The following SND1 variants were observed in gnomAD, a reference collection of about 807,000 sequenced individuals.
SND1 encodes the protein staphylococcal nuclease domain-containing protein 1.
A neutral mutation model predicts 121.7 loss-of-function variants in SND1; 38 were observed. The ratio of observed to expected loss-of-function variants is 0.31; its 90% CI spans 0.24 to 0.41. The LOEUF is 0.41. SND1 is among the 10% of genes least tolerant of loss of function. SND1 has a pLI of 1.00. For synonymous variants in SND1, 401 were observed against 447.4 expected, an observed-to-expected ratio of 0.90 and a Z score of 1.31; for missense variants, 868 against 1,184.6, an observed-to-expected ratio of 0.73 and a Z score of 3.92.
At chr7:127,936,949 G>A (rs2116832082) in intron 15 of SND1, among the ~76,000 whole-genome samples, 1 of 152,300 alleles carries the variant, frequency 6.6e-6, no homozygotes, top group Non-Finnish European at 1.5e-5. Flanking sequence ...TTAGATCTTA[G>A]GTATCAGGGT....
intron 14 of SND1, among the ~76,000 whole-genome samples, chr7:127,906,288 G>T (rs898963755): frequency 2.6e-5 from 4 of 152,148 alleles, no homozygotes; most frequent in Non-Finnish European, 4.4e-5. Flanking sequence ...GGTAACTATG[G>T]TGTATCTGCT....
At chr7:127,971,771 ATT>A (rs200086577) in intron 15 of SND1, among the ~76,000 whole-genome samples, 47 of 140,982 alleles carry the variant, frequency 3.3e-4, no homozygotes, top group Admixed American at 5.7e-4. Flanking sequence ...TGCTGAATTA[ATT>A]TTTTTTTTTT....
At chr7:128,022,757 A>T (rs1803386847) in intron 16 of SND1, among the ~76,000 whole-genome samples, 1 of 131,622 alleles carries the variant, frequency 7.6e-6, no homozygotes, top group South Asian at 2.6e-4. Flanking sequence ...TTTAGAGCAG[A>T]TCCCTGAGTG....
intron 10 of SND1, among the ~76,000 whole-genome samples, chr7:127,768,418 A>C (rs913141283): frequency 6.6e-6 from 1 of 152,194 alleles, no homozygotes; most frequent in East Asian, 1.9e-4. Flanking sequence ...TTGTTATGTA[A>C]GTTCATAATT....
At chr7:128,009,291 C>T (rs1222079889) in intron 16 of SND1, among the ~76,000 whole-genome samples, 1 of 152,194 alleles carries the variant, frequency 6.6e-6, no homozygotes, top group Non-Finnish European at 1.5e-5. Context: ...GGTGCACTGG[C>T]GGATTCATAC....
chr7:127,702,538 C>G lies in SND1; in HGVS notation c.681+12C>G. 6.2e-7 allele frequency: 1 copy of G among 1,610,076 alleles called. No individual in the cohort carries two copies. The highest frequency in any genetic ancestry group is 1.1e-5 in the South Asian group (1 of 91,022). On this transcript the variant is annotated intron_variant, in intron 6 of 23. Transcript: ENST00000354725. ...TGTCAGGCATCAAGGTCAGACCATA[C>G]TCTTGGCTACGTGGTGGGTTTAGAG...
intron 12 of SND1, among the ~76,000 whole-genome samples, chr7:127,859,718 G>C (rs778691771): frequency 3.9e-5 from 6 of 152,094 alleles, no homozygotes; most frequent in Non-Finnish European, 8.8e-5. Context: ...CTGATGCTTG[G>C]TGTTTTATCA....
chr7:127,738,682 C>A (rs1336896519), intron 10 of SND1, among the ~76,000 whole-genome samples: 1 of 152,090 alleles, frequency 6.6e-6, no homozygotes, highest in African/African-American at 2.4e-5. Flanking sequence ...TGCTTTTTCC[C>A]TGAGGTCTTT....
At chr7:128,063,971 C>T (rs1793272377) in intron 16 of SND1, among the ~76,000 whole-genome samples, 1 of 152,176 alleles carries the variant, frequency 6.6e-6, no homozygotes, top group South Asian at 2.1e-4. Flanking sequence ...CTGTGCTGTA[C>T]TGAGGAATTC....
chr7:127,881,296 T>C (rs977655751), intron 12 of SND1, among the ~76,000 whole-genome samples: 1 of 152,172 alleles, frequency 6.6e-6, no homozygotes, highest in Admixed American at 6.6e-5. Flanking sequence ...ATAATCATTC[T>C]ATGATTCCCT....
Position 127,754,079 on chromosome 7 carries a change from G to A in SND1, c.1152+32679G>A, listed in dbSNP as rs939385733. Among the ~76,000 whole-genome samples, 9 of 152,282 alleles carry A rather than the reference G, an allele frequency of 5.9e-5. No individual in the cohort carries two copies. In the East Asian group the frequency reaches 1.2e-3, roughly 20 times the overall value. ...TAGCATCCTGATAGCAAAATAGGAA[G>A]CAGAGAAAGATAGAACAGATATTAG... On this transcript the variant is annotated intron_variant, in intron 10 of 23. Transcript: ENST00000354725.
At chr7:127,690,793 T>C (rs1279268524) in intron 2 of SND1, among the ~76,000 whole-genome samples, 2 of 152,346 alleles carry the variant, frequency 1.3e-5, no homozygotes, top group African/African-American at 2.4e-5. Flanking sequence ...CTTTGGAGCA[T>C]GTTTAGCTTT....
chr7:127,755,075 A>T (rs571836787), intron 10 of SND1, among the ~76,000 whole-genome samples: 2 of 152,332 alleles, frequency 1.3e-5, no homozygotes, highest in South Asian at 4.1e-4. Context: ...CATTTGGCAT[A>T]TGATCTTCCA....
intron 9 of SND1, among the ~76,000 whole-genome samples, chr7:127,714,574 AC>A (rs760751036): frequency 4.6e-5 from 7 of 152,200 alleles, no homozygotes; most frequent in Non-Finnish European, 8.8e-5. Flanking sequence ...TGTAGCTATC[AC>A]CACCACATAT....
chr7:127,665,342 A>G (rs1795396196), intron 1 of SND1, among the ~76,000 whole-genome samples: 1 of 151,730 alleles, frequency 6.6e-6, no homozygotes, highest in Non-Finnish European at 1.5e-5. Context: ...GCCCGCCACC[A>G]CGCCCGGCCA....
At chr7:127,738,614 T>C (rs1270757724) in intron 10 of SND1, among the ~76,000 whole-genome samples, 1 of 152,136 alleles carries the variant, frequency 6.6e-6, no homozygotes, top group African/African-American at 2.4e-5. Context: ...CGTGTTTATC[T>C]GGGAGAAGTC....
chr7:127,810,341 A>G (rs1172331756), intron 11 of SND1, among the ~76,000 whole-genome samples: 2 of 152,176 alleles, frequency 1.3e-5, no homozygotes, highest in East Asian at 3.9e-4. Flanking sequence ...AGAGAGTGGT[A>G]GAAGAATACT....
At chr7:128,016,258 T>C (rs1659969442) in intron 16 of SND1, among the ~76,000 whole-genome samples, 1 of 151,620 alleles carries the variant, frequency 6.6e-6, no homozygotes, top group Admixed American at 6.6e-5. Flanking sequence ...GCTAGGACTA[T>C]AGATGTGCAC....
intron 9 of SND1, among the ~76,000 whole-genome samples, chr7:127,712,712 T>G (rs1379211547): frequency 6.6e-6 from 1 of 152,242 alleles, no homozygotes; most frequent in African/African-American, 2.4e-5. Flanking sequence ...TCCAGGGTTT[T>G]GTTGCAGTGT....
Sources: gnomAD v4.1 joint callset for allele counts (sites outside exome capture counted in the v4.1 genomes callset) on GRCh38, gnomAD v4.1.1 for gene constraint, MANE v1.5 for transcripts, NCBI Gene and HGNC (gene_info 2026-07-23, HGNC 2026-07-21) for gene names.